PKIB: variants seen among roughly 807,000 people sequenced by gnomAD.
The protein encoded by PKIB is cAMP-dependent protein kinase inhibitor beta.
PKIB carries 2 observed loss-of-function variants against 4.5 expected under a neutral mutation model. The observed-to-expected ratio is 0.44, with a 90% CI of 0.18 to 1.39. PKIB has a LOEUF of 1.39. Ranked by LOEUF, PKIB falls within the 40% of genes most tolerant of loss-of-function variation. PKIB has a pLI of 0.27. For missense variants in PKIB, 94 were observed against 92.6 expected, an observed-to-expected ratio of 1.02 and a Z score of -0.06; for synonymous variants, 38 against 36.0, an observed-to-expected ratio of 1.06 and a Z score of -0.20.
chr6:122,701,525 T>C (rs1170925441), intron 3 of PKIB: 9 of 1,590,578 alleles, frequency 5.7e-6, no homozygotes, highest in South Asian at 3.4e-5. Flanking sequence ...CATTTTCTTC[T>C]TGGGGACAAG....
chr6:122,707,652 A>G (rs982797241), intron 3 of PKIB, among the ~76,000 whole-genome samples: 3 of 152,144 alleles, frequency 2.0e-5, no homozygotes, highest in Admixed American at 2.0e-4. Context: ...AACATTCAAG[A>G]AAATTTTATT....
At chr6:122,579,586 T>C (rs1295055946) in intron 2 of PKIB, among the ~76,000 whole-genome samples, 2 of 152,328 alleles carry the variant, frequency 1.3e-5, no homozygotes, top group African/African-American at 4.8e-5. Context: ...AAGCAAAGTA[T>C]TATTTTTTAA....
chr6:122,696,891 A>G (rs1001735579), intron 3 of PKIB, among the ~76,000 whole-genome samples: 2 of 152,192 alleles, frequency 1.3e-5, no homozygotes, highest in African/African-American at 2.4e-5. Context: ...CATGAGAGAA[A>G]GGAACATGCT....
At chr6:122,584,952 T>A (rs1773807991) in intron 2 of PKIB, among the ~76,000 whole-genome samples, 1 of 144,860 alleles carries the variant, frequency 6.9e-6, no homozygotes, top group Non-Finnish European at 1.6e-5. Context: ...GCAACATCTG[T>A]AAGTTACTGC....
chr6:122,706,817 C>T (rs967111731), intron 3 of PKIB, among the ~76,000 whole-genome samples: 7 of 151,698 alleles, frequency 4.6e-5, no homozygotes, highest in African/African-American at 9.7e-5. Context: ...TAAAATTCAA[C>T]GAAGAAAATA....
At position 122,627,181 on chromosome 6, in the gene PKIB, T is replaced by C. The variant is rs1333837043; in HGVS notation, c.-160-6102T>C. 2.0e-5 allele frequency among the ~76,000 whole-genome samples: 3 copies of C among 151,364 alleles called. No homozygotes were observed. In the East Asian group the frequency reaches 5.8e-4, roughly 29 times the overall value. On this transcript the variant is annotated intron_variant, in intron 1 of 4. Transcript: ENST00000368452. ...CGGCGTAAACCCGGGAGGCGGAGCT[T>C]GCAGTGAGCCGAGATTGTGCCTACT... is the stretch of plus-strand genomic sequence containing the variant.
At chr6:122,529,436 T>G (rs1294927643) in intron 2 of PKIB, among the ~76,000 whole-genome samples, 1 of 152,204 alleles carries the variant, frequency 6.6e-6, no homozygotes, top group African/African-American at 2.4e-5. Context: ...CTTTTGAATT[T>G]TTGTCATTTA....
At chr6:122,637,555 G>T (rs1775972916) in intron 2 of PKIB, among the ~76,000 whole-genome samples, 1 of 152,026 alleles carries the variant, frequency 6.6e-6, no homozygotes, top group East Asian at 1.9e-4. Flanking sequence ...AGGAGATTGA[G>T]ACCATCCTGA....
At chr6:122,483,695 A>C (rs1775688347) in intron 2 of PKIB, 1 of 152,204 alleles carries the variant, frequency 6.6e-6, no homozygotes, top group Admixed American at 6.5e-5. Context: ...GCGAAGGCAA[A>C]TATATGGGAA....
At chr6:122,672,980 T>C (rs1777526805) in intron 2 of PKIB, among the ~76,000 whole-genome samples, 1 of 152,098 alleles carries the variant, frequency 6.6e-6, no homozygotes, top group Admixed American at 6.6e-5. Flanking sequence ...GTTAAGCATA[T>C]CTTCATTAAA....
rs1295435343 is a variant in PKIB at position 122,538,655 on chromosome 6, A to G, written c.-247-47266A>G. Among the ~76,000 whole-genome samples the G allele has an allele frequency of 1.8e-4, 28 of 152,126 alleles. 1 individual carries two copies. In the South Asian group the frequency reaches 5.8e-3, roughly 32 times the overall value. On this transcript the variant is annotated intron_variant, in intron 2 of 6. Transcript: ENST00000392491. The stretch of plus-strand genomic sequence containing the variant: ...TCTTTTGGCTTAGGATTGACTTGGC[A>G]ATGCAGGCTCTTTTTTGGTTCCATA...
chr6:122,645,355 T>G (rs759530325), intron 2 of PKIB, among the ~76,000 whole-genome samples: 4 of 152,176 alleles, frequency 2.6e-5, no homozygotes, highest in African/African-American at 4.8e-5. Flanking sequence ...AAAGAGGCCA[T>G]TGGAATTGGA....
At chr6:122,538,403 C>A (rs1181067207) in intron 2 of PKIB, among the ~76,000 whole-genome samples, 1 of 152,080 alleles carries the variant, frequency 6.6e-6, no homozygotes, top group Non-Finnish European at 1.5e-5. Context: ...ATATGGCTAG[C>A]CAATTTTCCC....
At chr6:122,499,470 C>T (rs932358234) in intron 2 of PKIB, among the ~76,000 whole-genome samples, 10 of 152,098 alleles carry the variant, frequency 6.6e-5, no homozygotes, top group African/African-American at 2.2e-4. Context: ...ATATGATTGT[C>T]TCAGTAGACA....
chr6:122,670,028 A>G (rs1226788300), intron 2 of PKIB, among the ~76,000 whole-genome samples: 4 of 151,382 alleles, frequency 2.6e-5, no homozygotes, highest in Non-Finnish European at 5.9e-5. Context: ...GGCCCCTTCT[A>G]TCTAGTTGCT....
At chr6:122,472,018 G>A in exon 1 of PKIB, 2 of 640,916 alleles carry the variant, frequency 3.1e-6, no homozygotes, top group African/African-American at 1.9e-5. Flanking sequence ...GGATCTGACC[G>A]TAGTTTGCCA....
intron 2 of PKIB, among the ~76,000 whole-genome samples, chr6:122,506,575 G>A (rs1055649360): frequency 6.6e-6 from 1 of 151,824 alleles, no homozygotes; most frequent in Non-Finnish European, 1.5e-5. Flanking sequence ...TTTTGTTTCA[G>A]TCCTGTCATG....
chr6:122,707,128 G>A (rs1374233120), intron 3 of PKIB, among the ~76,000 whole-genome samples: 1 of 151,900 alleles, frequency 6.6e-6, no homozygotes, highest in Non-Finnish European at 1.5e-5. Flanking sequence ...ATATAAACAT[G>A]CATAATTTGA....
chr6:122,621,347 A>G (rs550061447), intron 1 of PKIB, among the ~76,000 whole-genome samples: 6 of 152,322 alleles, frequency 3.9e-5, no homozygotes, highest in South Asian at 2.1e-4. Flanking sequence ...GCTAAGGAAT[A>G]TGCCAGGTCT....
Sources: gnomAD v4.1 joint callset for allele counts (sites outside exome capture counted in the v4.1 genomes callset) on GRCh38, gnomAD v4.1.1 for gene constraint, MANE v1.5 for transcripts, NCBI Gene and HGNC (gene_info 2026-07-23, HGNC 2026-07-21) for gene names.